The following NRG1 variants were observed in gnomAD, a reference collection of about 807,000 sequenced individuals.
NRG1 encodes the protein neuregulin 1.
In NRG1, 18 loss-of-function variants were observed where a neutral mutation model predicts 63.8. That is an observed-to-expected ratio of 0.28 (90% CI 0.19 to 0.42). The LOEUF is 0.42. NRG1 is among the 10% of genes least tolerant of loss of function. NRG1 has a pLI of 1.00. For synonymous variants in NRG1, 302 were observed against 301.3 expected (o/e 1.00, Z -0.02); for missense variants, 762 against 814.7 (o/e 0.94, Z 0.79).
At position 31,720,396 on chromosome 8, in the gene NRG1, G is replaced by A. The variant is rs550646561; in HGVS notation, c.37+80965G>A. On this transcript the variant is annotated intron_variant, in intron 1 of 10. Transcript: ENST00000519301. ...TGTTACATACGTAAACATGTGTCAC[G>A]GTAGATTGCTGCACAGATCATCCCA... 5.3e-5 allele frequency among the ~76,000 whole-genome samples: 8 copies of A among 152,230 alleles called. No individual in the cohort carries two copies. The South Asian group carries it at 8.3e-4, about 16-fold the overall frequency.
chr8:31,641,046 T>C (rs1335245469), intron 1 of NRG1, among the ~76,000 whole-genome samples: 1 of 152,150 alleles, frequency 6.6e-6, no homozygotes, highest in Admixed American at 6.5e-5. Context: ...GTGGGTGATA[T>C]GAACTTGGCT....
chr8:31,924,744 C>T (rs550892995), intron 1 of NRG1, among the ~76,000 whole-genome samples: 13 of 151,144 alleles, frequency 8.6e-5, no homozygotes, highest in African/African-American at 1.5e-4. Context: ...CATGTTAGGC[C>T]GTAAGTTTCT....
At chr8:31,861,058 C>T (rs536905610) in intron 1 of NRG1, among the ~76,000 whole-genome samples, 1 of 152,268 alleles carries the variant, frequency 6.6e-6, no homozygotes, top group East Asian at 1.9e-4. Flanking sequence ...AGTGACCACA[C>T]CGATAGAGTG....
chr8:31,925,855 T>C (rs1834320430), intron 1 of NRG1, among the ~76,000 whole-genome samples: 1 of 152,210 alleles, frequency 6.6e-6, no homozygotes, highest in East Asian at 1.9e-4. Context: ...GGTCATCTTT[T>C]TAAAAAGTAA....
At chr8:32,675,768 C>T (rs886999478) in intron 5 of NRG1, among the ~76,000 whole-genome samples, 4 of 152,078 alleles carry the variant, frequency 2.6e-5, no homozygotes, top group Admixed American at 6.6e-5. Context: ...ATTACAAACA[C>T]GCATTTATAA....
At chr8:32,705,427 G>A (rs1469668487) in intron 5 of NRG1, among the ~76,000 whole-genome samples, 4 of 152,122 alleles carry the variant, frequency 2.6e-5, no homozygotes, top group South Asian at 2.1e-4. Flanking sequence ...CACCGCGCCC[G>A]GCCAAGTGAC....
At chr8:32,504,023 C>T (rs1386747365) in intron 1 of NRG1, among the ~76,000 whole-genome samples, 1 of 152,068 alleles carries the variant, frequency 6.6e-6, no homozygotes, top group East Asian at 1.9e-4. Flanking sequence ...GTACGCATGC[C>T]CACTTGAGGT....
At chr8:32,044,466 T>G (rs1820603943) in intron 1 of NRG1, among the ~76,000 whole-genome samples, 1 of 151,844 alleles carries the variant, frequency 6.6e-6, no homozygotes, top group South Asian at 2.1e-4. Context: ...ATAGTTGATG[T>G]TTTTCTCACT....
intron 1 of NRG1, among the ~76,000 whole-genome samples, chr8:32,205,334 T>C (rs2132329390): frequency 6.6e-6 from 1 of 152,266 alleles, no homozygotes; most frequent in South Asian, 2.1e-4. Flanking sequence ...TCAATGCTCA[T>C]TTTTTTCCCC....
intron 1 of NRG1, among the ~76,000 whole-genome samples, chr8:32,378,178 G>A (rs1809867540): frequency 6.6e-6 from 1 of 152,066 alleles, no homozygotes; most frequent in Non-Finnish European, 1.5e-5. Flanking sequence ...AAGGGAGAAA[G>A]AAGGAACAAG....
chr8:31,859,372 G>T (rs369697013), intron 1 of NRG1, among the ~76,000 whole-genome samples: 1 of 152,062 alleles, frequency 6.6e-6, no homozygotes, highest in South Asian at 2.1e-4. Flanking sequence ...AGAATCTGAG[G>T]TGCAGTCATT....
chr8:32,331,094 A>G (rs572922263), intron 1 of NRG1, among the ~76,000 whole-genome samples: 8 of 150,190 alleles, frequency 5.3e-5, no homozygotes, highest in Non-Finnish European at 8.8e-5. Context: ...TGTGGCGTGT[A>G]AAAAAAAAGA....
At chr8:31,947,967 A>AAC (rs1196800664) in intron 1 of NRG1, among the ~76,000 whole-genome samples, 10 of 150,496 alleles carry the variant, frequency 6.6e-5, no homozygotes, top group African/African-American at 1.5e-4. Flanking sequence ...AAAAAAAAAA[A>AAC]AAAAACTACT....
intron 1 of NRG1, among the ~76,000 whole-genome samples, chr8:32,106,128 C>A (rs1318249417): frequency 6.6e-6 from 1 of 152,192 alleles, no homozygotes; most frequent in Non-Finnish European, 1.5e-5. Context: ...CTGCTTTAGA[C>A]ATATTTGGTC....
At chr8:32,036,361 G>A (rs766866438) in intron 1 of NRG1, among the ~76,000 whole-genome samples, 6 of 151,938 alleles carry the variant, frequency 3.9e-5, no homozygotes, top group African/African-American at 7.3e-5. Flanking sequence ...TACCTTTGAC[G>A]TATTTTTCTT....
chr8:32,594,056 C>G (rs1842955603), intron 1 of NRG1, among the ~76,000 whole-genome samples: 1 of 152,050 alleles, frequency 6.6e-6, no homozygotes, highest in African/African-American at 2.4e-5. Flanking sequence ...TCACAGCATT[C>G]AAATGATTTT....
chr8:32,030,111 A>C (rs1818031756), intron 1 of NRG1, among the ~76,000 whole-genome samples: 1 of 152,216 alleles, frequency 6.6e-6, no homozygotes, highest in Non-Finnish European at 1.5e-5. Context: ...TGTTTGAATA[A>C]TAAATATATG....
chr8:32,118,317 C>T (rs1051366550), intron 1 of NRG1, among the ~76,000 whole-genome samples: 4 of 151,934 alleles, frequency 2.6e-5, no homozygotes, highest in Middle Eastern at 3.2e-3. Context: ...CCCGACTCGC[C>T]GCAGAGCTGG....
intron 1 of NRG1, among the ~76,000 whole-genome samples, chr8:32,481,730 A>G (rs1392024307): frequency 1.3e-5 from 2 of 152,266 alleles, no homozygotes; most frequent in Non-Finnish European, 1.5e-5. Flanking sequence ...ATACATTAAT[A>G]TATAGATAGC....
Sources: gnomAD v4.1 joint callset for allele counts (sites outside exome capture counted in the v4.1 genomes callset) on GRCh38, gnomAD v4.1.1 for gene constraint, MANE v1.5 for transcripts, NCBI Gene and HGNC (gene_info 2026-07-23, HGNC 2026-07-21) for gene names.